The following ZNF502 variants were observed in gnomAD, a reference collection of about 807,000 sequenced individuals.
ZNF502 encodes zinc finger protein 502.
Under a neutral mutation model 43.6 loss-of-function variants are expected in ZNF502, and 29 were observed. The ratio of observed to expected loss-of-function variants is 0.67; its 90% CI spans 0.50 to 0.91. The LOEUF (loss-of-function observed/expected upper bound fraction) is 0.91. Ranked by LOEUF, ZNF502 falls within the 40% of genes least tolerant of loss-of-function variation. The pLI, the probability that ZNF502 is intolerant of heterozygous loss-of-function variation, is 0.00. For missense variants in ZNF502, 591 were observed against 647.2 expected (o/e 0.91, Z 0.94); for synonymous variants, 171 against 207.4 (o/e 0.82, Z 1.51).
intron 1 of ZNF502, among the ~76,000 whole-genome samples, chr3:44,716,003 C>T (rs993981058): frequency 1.3e-5 from 2 of 152,158 alleles, no homozygotes; most frequent in East Asian, 1.9e-4. Context: ...AAATAATTTT[C>T]ACCAACTAGA....
chr3:44,715,663 C>T (rs2125863107), intron 1 of ZNF502, among the ~76,000 whole-genome samples: 1 of 151,896 alleles, frequency 6.6e-6, no homozygotes, highest in East Asian at 1.9e-4. Context: ...CATTATTTTA[C>T]CACAGTGATG....
chr3:44,722,048 G>T lies in ZNF502; in HGVS notation c.1231G>T (p.Glu411Ter). The T allele has an allele frequency of 7.4e-6, 12 of 1,614,192 alleles. No individual in the cohort carries two copies. The highest frequency in any genetic ancestry group is 1.0e-5 in the Non-Finnish European group (12 of 1,180,032). ...AGGGGAGAGACCCTACAAATGCAGT[G>T]AATGTGGTAAAGCCTTCATTCAGAG... ...HTGERPYKCS[E>*]CGKAFIQSIC... The change falls in exon 3 of 3, where the codon GAA (glutamate) becomes TAA (stop). Residue 411 changes from glutamate (E) to a stop codon, truncating the protein, a stop_gained. Coordinates refer to ENST00000436624, the MANE Select transcript of ZNF502 (RefSeq NM_001134442.3). LOFTEE classifies it high-confidence loss of function.
At chr3:44,719,507 G>C (rs764025974) in intron 1 of ZNF502, among the ~76,000 whole-genome samples, 2 of 152,134 alleles carry the variant, frequency 1.3e-5, no homozygotes, top group Non-Finnish European at 2.9e-5. Context: ...AACAGTTTTG[G>C]TATTGATATT....
chr3:44,721,880 G>T lies in ZNF502; in HGVS notation c.1063G>T (p.Glu355Ter). 6.2e-7 allele frequency: 1 copy of T among 1,613,984 alleles called. No homozygotes were observed. The highest frequency in any genetic ancestry group is 8.5e-7 in the Non-Finnish European group (1 of 1,179,930). The stretch of plus-strand genomic sequence containing the variant: ...TGGAGAGAAACCCTATAAATGTAAA[G>T]AATGTGGCAAAGCCTTTTGTCAGAG... ...HSGEKPYKCKECGKAFCQSPS... is the reference protein window; with the variant it reads ...HSGEKPYKCK Residue 355 changes from glutamate (E) to a stop codon, truncating the protein, a stop_gained, in exon 3 of 3, where the codon GAA becomes TAA. Coordinates refer to ENST00000436624, the MANE Select transcript of ZNF502 (RefSeq NM_001134442.3). LOFTEE classifies it high-confidence loss of function.
In ZNF502 at chr3:44,718,627, T is replaced by C. The variant is rs1033485857; in HGVS notation, c.-59-1576T>C. 2.6e-5 allele frequency among the ~76,000 whole-genome samples: 4 copies of C among 152,244 alleles called. No homozygotes were observed. The East Asian group carries it at 7.7e-4, about 29-fold the overall frequency. ...CCAAAGTACTGAGCTTGATTCCTTT[T>C]GTATGTTCATTTTGTCTCTCTTCTT... On this transcript the variant is annotated intron_variant, in intron 1 of 2. Transcript: ENST00000436624.
chr3:44,720,340 TG>T, intron 2 of ZNF502, 24 bp downstream of exon 2: 1 of 1,612,506 alleles, frequency 6.2e-7, no homozygotes, highest in African/African-American at 1.3e-5. Flanking sequence ...GGACAAGCAG[TG>T]GGAGAAATAG....
rs772343938 is a variant in ZNF502 at position 44,722,000 on chromosome 3, A to G, written c.1183A>G (p.Thr395Ala). The part of the protein sequence containing the change: ...GKAFTQSTPL[T>A]KHQRIHTGER... The stretch of plus-strand genomic sequence containing the variant: ...AGCGTTTACTCAGAGCACCCCACTC[A>G]CTAAACATCAGAGAATACATACAGG... The change falls in exon 3 of 3, where the codon ACT becomes GCT. Residue 395 changes from threonine (T) to alanine (A), a missense_variant. By Grantham distance (58) the Thr-to-Ala change is moderately conservative. Coordinates refer to ENST00000436624, the MANE Select transcript of ZNF502 (RefSeq NM_001134442.3). 1.9e-6 allele frequency: 3 copies of G among 1,614,256 alleles called. No individual in the cohort carries two copies. In the East Asian group the frequency reaches 6.7e-5, roughly 36 times the overall value.
chr3:44,721,286 T>C lies in ZNF502; in HGVS notation c.469T>C (p.Cys157Arg). 1.2e-6 allele frequency: 2 copies of C among 1,614,104 alleles called. No individual in the cohort carries two copies. The highest frequency in any genetic ancestry group is 1.1e-5 in the South Asian group (1 of 91,088). The change falls in exon 3 of 3, where the codon TGT becomes CGT. Residue 157 changes from cysteine to arginine, a missense_variant. By Grantham distance (180) the Cys-to-Arg change is radical (BLOSUM62 -3). Coordinates refer to ENST00000436624, the MANE Select transcript of ZNF502 (RefSeq NM_001134442.3). ...CTGCACACAGAAAAAATCTTGGAAATGTAATGAATGTGGAAAAACCTTTAC... is the reference window on the plus strand; with the variant it reads ...CTGCACACAGAAAAAATCTTGGAAACGTAATGAATGTGGAAAAACCTTTAC... ...TLCTQKKSWK[C>R]NECGKTFTQS...
At position 44,721,099 on chromosome 3, in the gene ZNF502, C is replaced by G. The variant is rs1243845708; in HGVS notation, c.282C>G (p.Pro94=). 1 of 1,614,112 alleles carries G rather than the reference C, an allele frequency of 6.2e-7. No homozygotes were observed. Among genetic ancestry groups the G allele is most frequent in the East Asian group, 2.2e-5 (1 of 44,878 alleles). ...GRITFIHKEA[P]PEIISQGYNF... is the part of the protein sequence containing the mutation. ...TAACTTTCATCCACAAAGAAGCACCCCCTGAAATTATTAGTCAAGGATATA... is the reference window on the plus strand; with the variant it reads ...TAACTTTCATCCACAAAGAAGCACCGCCTGAAATTATTAGTCAAGGATATA... Residue 94 remains proline (P), a synonymous_variant, in exon 3 of 3, where the codon CCC becomes CCG. Coordinates refer to ENST00000436624, the MANE Select transcript of ZNF502 (RefSeq NM_001134442.3).
chr3:44,715,598 T>TA (rs1420849220), intron 1 of ZNF502, among the ~76,000 whole-genome samples: 68 of 152,270 alleles, frequency 4.5e-4, no homozygotes, highest in Non-Finnish European at 1.2e-4. Flanking sequence ...GTTTTTTTTT[T>TA]AAAGTGGAGC....
At position 44,721,109 on chromosome 3, in the gene ZNF502, A is replaced by G. The variant is rs368322855; in HGVS notation, c.292A>G (p.Ile98Val). Residue 98 changes from isoleucine to valine, a missense_variant, in exon 3 of 3, where the codon ATT becomes GTT. Ile to Val is a conservative substitution (Grantham distance 29). Transcript: ENST00000436624. ...CCACAAAGAAGCACCCCCTGAAATTATTAGTCAAGGATATAATTTTGAGAA... is the reference window on the plus strand; with the variant it reads ...CCACAAAGAAGCACCCCCTGAAATTGTTAGTCAAGGATATAATTTTGAGAA... The part of the protein sequence containing the change: ...FIHKEAPPEI[I>V]SQGYNFEKSL... 4 of 1,614,074 alleles carry G rather than the reference A, an allele frequency of 2.5e-6. No individual in the cohort carries two copies. Among genetic ancestry groups the G allele is most frequent in the Admixed American group, 1.7e-5 (1 of 60,004 alleles).
In ZNF502 at chr3:44,721,672, T is replaced by C. The variant is rs755247289; in HGVS notation, c.855T>C (p.His285=). Residue 285 remains histidine, a synonymous_variant, in exon 3 of 3, where the codon CAT becomes CAC. Transcript: ENST00000436624. The part of the protein sequence containing the change: ...AFNQNTHLIH[H]QRIHTGEKPY... Reference sequence around the variant, plus strand: ...ATCAGAATACACACCTTATTCATCATCAGAGAATTCACACTGGTGAGAAGC... The same window carrying C: ...ATCAGAATACACACCTTATTCATCACCAGAGAATTCACACTGGTGAGAAGC... 6.2e-7 allele frequency: 1 copy of C among 1,614,062 alleles called. No individual in the cohort carries two copies.
chr3:44,713,870 G>A (rs1004336553), intron 1 of ZNF502, among the ~76,000 whole-genome samples: 2 of 152,152 alleles, frequency 1.3e-5, no homozygotes, highest in South Asian at 2.1e-4. Context: ...GTGAAACACC[G>A]CGCCAGGCCT....
In ZNF502 at chr3:44,722,406, A is replaced by G. The variant is rs953072964; in HGVS notation, c.1589A>G (p.His530Arg). Residue 530 changes from histidine (H) to arginine (R), a missense_variant, in exon 3 of 3, where the codon CAT becomes CGT. Coordinates refer to ENST00000436624, the MANE Select transcript of ZNF502 (RefSeq NM_001134442.3). ...ATTGAGTGTGGAAAGTTCTTCAGAC[A>G]TAGTTCAGTCCTTTTCAGACATCAG... ...ECIECGKFFR[H>R]SSVLFRHQKL... The G allele has an allele frequency of 1.1e-5, 17 of 1,613,952 alleles. No individual in the cohort carries two copies. Among genetic ancestry groups the G allele is most frequent in the Non-Finnish European group, 1.4e-5 (16 of 1,180,012 alleles).
intron 1 of ZNF502, among the ~76,000 whole-genome samples, chr3:44,718,281 C>T (rs1266941131): frequency 6.6e-6 from 1 of 152,218 alleles, no homozygotes. Flanking sequence ...TTGAACCTTT[C>T]TCTTAATCCA....
At position 44,721,611 on chromosome 3, in the gene ZNF502, A is replaced by T; in HGVS notation, c.794A>T (p.Lys265Ile). The change falls in exon 3 of 3, where the codon AAA becomes ATA. Residue 265 changes from lysine (K) to isoleucine (I), a missense_variant. Lys to Ile is a moderately radical substitution (Grantham distance 102, BLOSUM62 -3). Transcript: ENST00000436624. ...TEHQRIHTGE[K>I]PYKCNRCGKA... is the part of the protein sequence containing the mutation. ...CACCAGAGAATTCACACTGGAGAGA[A>T]ACCTTATAAATGCAATAGGTGTGGG... The T allele has an allele frequency of 6.2e-7, 1 of 1,614,168 alleles. No individual in the cohort carries two copies. Among genetic ancestry groups the T allele is most frequent in the Non-Finnish European group, 8.5e-7 (1 of 1,180,004 alleles).
At position 44,722,867 on chromosome 3, in the gene ZNF502, G is replaced by A. The variant is rs1704403740; in HGVS notation, c.*415G>A. 5.9e-6 allele frequency: 1 copy of A among 168,604 alleles called. No individual in the cohort carries two copies. The highest frequency in any genetic ancestry group is 5.5e-5 in the Admixed American group (1 of 18,046). The allele number at this position is 168,604 out of a possible 1,614,324, so 10.4% of individuals were successfully genotyped here. A position where few individuals can be genotyped will look rare whatever the true frequency, so the allele number is the denominator to read the frequency against. ...TGTGAAGTGGCACAGCTCTGATGTAGTGCTAAGTCTAGCCTCCAGATTTGA... is the reference window on the plus strand; with the variant it reads ...TGTGAAGTGGCACAGCTCTGATGTAATGCTAAGTCTAGCCTCCAGATTTGA... On this transcript the variant is annotated 3_prime_UTR_variant, in exon 3 of 3. Coordinates refer to ENST00000436624, the MANE Select transcript of ZNF502 (RefSeq NM_001134442.3).
intron 1 of ZNF502, among the ~76,000 whole-genome samples, chr3:44,718,369 A>G (rs1410734189): frequency 6.6e-6 from 1 of 152,124 alleles, no homozygotes; most frequent in East Asian, 1.9e-4. Flanking sequence ...CCTCACCACT[A>G]CGCAGATTAT....
At chr3:44,720,081 A>G in intron 1 of ZNF502, 122 bp from the exon 2 acceptor site, 1 of 667,906 alleles carries the variant, frequency 1.5e-6, no homozygotes, top group Non-Finnish European at 2.6e-6. Flanking sequence ...CCACATTGTT[A>G]TCCTGAGAGT....
Sources: gnomAD v4.1 joint callset for allele counts (sites outside exome capture counted in the v4.1 genomes callset) on GRCh38, gnomAD v4.1.1 for gene constraint, MANE v1.5 for transcripts, NCBI Gene and HGNC (gene_info 2026-07-23, HGNC 2026-07-21) for gene names.